The following CNTNAP5 variants were observed in gnomAD, a reference collection of about 807,000 sequenced individuals.
CNTNAP5 encodes the protein contactin associated protein family member 5.
A neutral mutation model predicts 150.2 loss-of-function variants in CNTNAP5; 72 were observed. That is an observed-to-expected ratio of 0.48 (90% confidence interval 0.40 to 0.58). CNTNAP5 has a LOEUF of 0.58. Ranked by LOEUF, CNTNAP5 falls within the 20% of genes least tolerant of loss-of-function variation. The pLI is 0.00. For synonymous variants in CNTNAP5, 672 were observed against 619.8 expected (o/e 1.08, Z -1.25); for missense variants, 1,636 against 1,626.2 (o/e 1.01, Z -0.10).
intron 13 of CNTNAP5, among the ~76,000 whole-genome samples, chr2:124,732,707 A>T (rs1297007619): frequency 6.6e-6 from 1 of 152,172 alleles, no homozygotes; most frequent in Non-Finnish European, 1.5e-5. Flanking sequence ...TTTATTTTTC[A>T]TAAGAAAAAT....
chr2:124,488,385 T>G (rs900512191), intron 7 of CNTNAP5, among the ~76,000 whole-genome samples: 12 of 152,152 alleles, frequency 7.9e-5, no homozygotes, highest in African/African-American at 2.9e-4. Context: ...CTCTTTGTGG[T>G]TTCAGTTTGG....
At chr2:124,418,710 C>G (rs1030023919) in intron 4 of CNTNAP5, among the ~76,000 whole-genome samples, 1 of 152,220 alleles carries the variant, frequency 6.6e-6, no homozygotes, top group Admixed American at 6.5e-5. Flanking sequence ...CTGCCTTCCA[C>G]TCCAAACTTT....
chr2:124,214,953 G>T (rs1686116531), intron 1 of CNTNAP5, among the ~76,000 whole-genome samples: 1 of 152,124 alleles, frequency 6.6e-6, no homozygotes, highest in Admixed American at 6.5e-5. Flanking sequence ...TAATTATGAA[G>T]TAATGTATCT....
chr2:124,715,968 T>C (rs1679935973), intron 13 of CNTNAP5, among the ~76,000 whole-genome samples: 1 of 152,012 alleles, frequency 6.6e-6, no homozygotes, highest in Non-Finnish European at 1.5e-5. Flanking sequence ...AAAAAGCGAG[T>C]GTACAACTCC....
chr2:124,211,857 A>G (rs1367610305), intron 1 of CNTNAP5, among the ~76,000 whole-genome samples: 1 of 152,202 alleles, frequency 6.6e-6, no homozygotes, highest in African/African-American at 2.4e-5. Flanking sequence ...AAGGTTTATG[A>G]ATGTGTATGG....
intron 3 of CNTNAP5, among the ~76,000 whole-genome samples, chr2:124,362,281 A>C (rs1262218556): frequency 6.6e-6 from 1 of 152,142 alleles, no homozygotes; most frequent in Non-Finnish European, 1.5e-5. Context: ...TGCGTCGCTC[A>C]CGCTGGGAGC....
chr2:124,836,358 T>C (rs1682829008), intron 19 of CNTNAP5, among the ~76,000 whole-genome samples: 1 of 152,148 alleles, frequency 6.6e-6, no homozygotes, highest in Non-Finnish European at 1.5e-5. Context: ...CATCTAAAAA[T>C]ATAAGTGGTC....
At chr2:124,219,205 G>A (rs1328061809) in intron 1 of CNTNAP5, among the ~76,000 whole-genome samples, 2 of 152,038 alleles carry the variant, frequency 1.3e-5, no homozygotes, top group African/African-American at 4.8e-5. Flanking sequence ...CACAATATAT[G>A]CATTTGTAAA....
In CNTNAP5 at chr2:124,789,253, C is replaced by CT. The variant is rs919596564; in HGVS notation, c.2753-640dup. On this transcript the variant is annotated intron_variant, in intron 17 of 23. Coordinates refer to ENST00000682447, the MANE Select transcript of CNTNAP5 (RefSeq NM_001367498.1). ...AAGTGTGCTGTGGACTGTGTGAGAA[C>CT]TTTTTTTTTCACAAGAAACATGGCC... Among the ~76,000 whole-genome samples, 40 of 151,726 alleles carry CT rather than the reference C, an allele frequency of 2.6e-4. No individual in the cohort carries two copies. In the South Asian group the frequency reaches 4.0e-3, roughly 15 times the overall value.
chr2:124,533,433 G>A, intron 10 of CNTNAP5, among the ~76,000 whole-genome samples: 1 of 152,200 alleles, frequency 6.6e-6, no homozygotes, highest in East Asian at 1.9e-4. Flanking sequence ...TACTGGGCTG[G>A]CCTGGTGGCC....
chr2:124,126,472 C>T (rs567039285), intron 1 of CNTNAP5, among the ~76,000 whole-genome samples: 33 of 152,204 alleles, frequency 2.2e-4, no homozygotes, highest in African/African-American at 7.9e-4. Flanking sequence ...CCAAATTCTA[C>T]CAGAGGTACA....
intron 11 of CNTNAP5, among the ~76,000 whole-genome samples, chr2:124,564,195 T>C (rs1695958537): frequency 6.6e-6 from 1 of 151,946 alleles, no homozygotes; most frequent in African/African-American, 2.4e-5. Context: ...TGTGGAAAAT[T>C]GGAATTTTCA....
chr2:124,749,053 A>G (rs932945996), intron 14 of CNTNAP5, among the ~76,000 whole-genome samples: 7 of 152,160 alleles, frequency 4.6e-5, no homozygotes, highest in Admixed American at 4.6e-4. Flanking sequence ...ATTCAGTGGT[A>G]ATTAGTTGAA....
At chr2:124,674,811 T>A (rs1678905128) in intron 13 of CNTNAP5, among the ~76,000 whole-genome samples, 1 of 152,030 alleles carries the variant, frequency 6.6e-6, no homozygotes, top group African/African-American at 2.4e-5. Context: ...AATTGTTGAT[T>A]TTTAATTTAA....
At position 124,485,140 on chromosome 2, in the gene CNTNAP5, T is replaced by C. The variant is rs556417880; in HGVS notation, c.1062+10258T>C. Among the ~76,000 whole-genome samples the C allele has an allele frequency of 2.6e-5, 4 of 152,274 alleles. No homozygotes were observed. The South Asian group carries it at 8.3e-4, about 32-fold the overall frequency. ...AAAAAAAATTATATAAAAGTGGCTTTCTAGTAGAAGGTGGGTAACTAATAA... is the reference window on the plus strand; with the variant it reads ...AAAAAAAATTATATAAAAGTGGCTTCCTAGTAGAAGGTGGGTAACTAATAA... On this transcript the variant is annotated intron_variant, in intron 7 of 23. Transcript: ENST00000682447.
At chr2:124,801,530 C>T (rs1362538754) in intron 19 of CNTNAP5, among the ~76,000 whole-genome samples, 2 of 152,200 alleles carry the variant, frequency 1.3e-5, no homozygotes, top group East Asian at 1.9e-4. Context: ...ACCATAATAA[C>T]TATCACAGGA....
At chr2:124,398,280 C>A (rs1224882543) in intron 3 of CNTNAP5, among the ~76,000 whole-genome samples, 2 of 152,052 alleles carry the variant, frequency 1.3e-5, no homozygotes, top group South Asian at 4.1e-4. Flanking sequence ...TTAGGATGAA[C>A]AAGGAGAGTG....
chr2:124,444,203 C>T (rs1394400456), intron 5 of CNTNAP5, among the ~76,000 whole-genome samples: 2 of 152,072 alleles, frequency 1.3e-5, no homozygotes, highest in Non-Finnish European at 2.9e-5. Context: ...CTTGCCTGAA[C>T]CCCTTTATGC....
chr2:124,792,526 G>A (rs1163069448), intron 18 of CNTNAP5, among the ~76,000 whole-genome samples: 1 of 151,664 alleles, frequency 6.6e-6, no homozygotes. Context: ...TTCTATTATC[G>A]AGATGTAATT....
Sources: allele counts gnomAD v4.1 joint callset (sites outside exome capture counted in the v4.1 genomes callset), GRCh38; gene constraint gnomAD v4.1.1; transcripts MANE v1.5; gene names NCBI Gene and HGNC (gene_info 2026-07-23, HGNC 2026-07-21).